The following CHCHD2 variants were observed in gnomAD, a reference collection of about 807,000 sequenced individuals.
CHCHD2 encodes coiled-coil-helix-coiled-coil-helix domain-containing protein 2.
A neutral mutation model predicts 17.5 loss-of-function variants in CHCHD2; 17 were observed. That is an observed-to-expected ratio of 0.97 (90% confidence interval 0.67 to 1.46). The LOEUF (loss-of-function observed/expected upper bound fraction) is 1.46. Ranked by LOEUF, CHCHD2 falls within the 40% of genes most tolerant of loss-of-function variation. The pLI is 0.00. For synonymous variants in CHCHD2, 63 were observed against 74.3 expected (o/e 0.85, Z 0.78); for missense variants, 175 against 199.9 (o/e 0.88, Z 0.75).
At position 56,106,230 on chromosome 7, in the gene CHCHD2, AC is replaced by A. The variant is rs1785380882; in HGVS notation, c.50+133del. 9.7e-6 allele frequency: 7 copies of A among 722,990 alleles called. No individual in the cohort carries two copies. In the South Asian group the frequency reaches 1.1e-4, roughly 12 times the overall value. The allele number at this position is 722,990 out of a possible 1,614,324, so 44.8% of individuals were successfully genotyped here. ...CTAACATAGGCTTTACGTTCAATCT[AC>A]CCCCGCCTGGCAGAGGCGAGCCCAC... On this transcript the variant is annotated intron_variant, in intron 1 of 3. Transcript: ENST00000395422.
intron 1 of CHCHD2, among the ~76,000 whole-genome samples, chr7:56,105,879 A>G (rs1457648913): frequency 6.6e-6 from 1 of 152,226 alleles, no homozygotes; most frequent in African/African-American, 2.4e-5. Context: ...TTACAAAACA[A>G]GACTGGCCAA....
At chr7:56,106,315 T>C (rs1386275862) in intron 1 of CHCHD2, 49 bp downstream of exon 1, 1 of 1,592,168 alleles carries the variant, frequency 6.3e-7, no homozygotes, top group African/African-American at 1.3e-5. Context: ...ATTGCCCCAG[T>C]AGAGTCCGGA....
chr7:56,104,912 AT>A lies in CHCHD2; in HGVS notation c.51-438del, dbSNP rs752149986. ...GGTGTGAACCACCACGCACGGCCTA[AT>A]TTTTTTTTTTTTTTTGAGACAGGGC... On this transcript the variant is annotated intron_variant, in intron 1 of 3. Coordinates refer to ENST00000395422, the MANE Select transcript of CHCHD2 (RefSeq NM_016139.4). Among the ~76,000 whole-genome samples, 743 of 115,682 alleles carry A rather than the reference AT, an allele frequency of 6.4e-3. 1 individual carries two copies. Among genetic ancestry groups the A allele is most frequent in the Middle Eastern group, 0.028 (4 of 144 alleles). The allele number at this position is 115,682 out of a possible 152,430, so 75.9% of individuals were successfully genotyped here. A position where few individuals can be genotyped will look rare whatever the true frequency, so the allele number is the denominator to read the frequency against.
chr7:56,103,289 G>A (rs1785321017), intron 2 of CHCHD2, among the ~76,000 whole-genome samples: 1 of 152,170 alleles, frequency 6.6e-6, no homozygotes, highest in Admixed American at 6.6e-5. Context: ...AGACCAGCCT[G>A]GCCAATATGG....
chr7:56,104,308 C>A lies in CHCHD2; in HGVS notation c.218G>T (p.Gly73Val). 1 of 1,613,828 alleles carries A rather than the reference C, an allele frequency of 6.2e-7. No individual in the cohort carries two copies. Among genetic ancestry groups the A allele is most frequent in the Non-Finnish European group, 8.5e-7 (1 of 1,179,764 alleles). Residue 73 changes from glycine (G) to valine (V), a missense_variant, in exon 2 of 4, where the codon GGG becomes GTG. Transcript: ENST00000395422. ...AGTAATGGCGTGACCCAATGTGTGCCCCACAGCAGAGCCCACAGCCACGCC... is the reference window on the plus strand; with the variant it reads ...AGTAATGGCGTGACCCAATGTGTGCACCACAGCAGAGCCCACAGCCACGCC... ...AAGVAVGSAVGHTLGHAITGG... is the reference protein window; with the variant it reads ...AAGVAVGSAVVHTLGHAITGG...
At chr7:56,104,194 C>T (rs1372477233) in intron 2 of CHCHD2, 32 bp downstream of exon 2, 2 of 1,606,700 alleles carry the variant, frequency 1.2e-6, no homozygotes, top group South Asian at 2.2e-5. Context: ...TAAAATCCAC[C>T]CATGGAAGGG....
chr7:56,105,586 G>A (rs1052173894), intron 1 of CHCHD2, among the ~76,000 whole-genome samples: 1 of 152,148 alleles, frequency 6.6e-6, no homozygotes, highest in Admixed American at 6.6e-5. Context: ...GACCAGCCAG[G>A]GCCACATAAT....
chr7:56,101,903 T>A (rs770440622), intron 3 of CHCHD2, 42 bp from the exon 4 acceptor site: 1 of 1,598,028 alleles, frequency 6.3e-7, no homozygotes, highest in African/African-American at 1.3e-5. Context: ...GCTAGCTTCG[T>A]ATACTCAATA....
intron 1 of CHCHD2, among the ~76,000 whole-genome samples, chr7:56,106,057 T>C (rs1785377107): frequency 6.6e-6 from 1 of 152,196 alleles, no homozygotes; most frequent in Non-Finnish European, 1.5e-5. Context: ...CTCTGACCAT[T>C]TCCGGATTAT....
rs760214798 is a variant in CHCHD2 at position 56,104,514 on chromosome 7, C to G, written c.51-39G>C. ...GAAAAAAACATCAAGTTCCCAATTC[C>G]AACCAGTTTTGGAAATTGTCAACTT... On this transcript the variant is annotated intron_variant, in intron 1 of 3. Transcript: ENST00000395422. 13 of 1,495,546 alleles carry G rather than the reference C, an allele frequency of 8.7e-6. No homozygotes were observed. In the East Asian group the frequency reaches 3.1e-4, roughly 36 times the overall value. 92.6% of individuals were successfully genotyped at this position (1,495,546 alleles called of 1,614,324 possible).
At chr7:56,104,095 A>G (rs1424402627) in intron 2 of CHCHD2, 131 bp downstream of exon 2, 1 of 1,249,844 alleles carries the variant, frequency 8.0e-7, no homozygotes, top group African/African-American at 1.5e-5. Flanking sequence ...TGTGGCTTTA[A>G]AACCCATTGT....
In CHCHD2 at chr7:56,102,956, T is replaced by C. The variant is rs1174242286; in HGVS notation, c.356A>G (p.Lys119Arg). 20 of 1,614,118 alleles carry C rather than the reference T, an allele frequency of 1.2e-5. No homozygotes were observed. Among genetic ancestry groups the C allele is most frequent in the Non-Finnish European group, 1.7e-5 (20 of 1,179,984 alleles). ...QQQQPCLYEI[K>R]QFLECAQNQG... ...GTTCTGGGCACACTCCAGAAACTGTTTGATCTCATAGAGGCAAGGCTGCTG... is the reference window on the plus strand; with the variant it reads ...GTTCTGGGCACACTCCAGAAACTGTCTGATCTCATAGAGGCAAGGCTGCTG... The change falls in exon 3 of 4, where the codon AAA becomes AGA. Residue 119 changes from lysine (K) to arginine (R), a missense_variant. Physicochemically the swap from Lys to Arg is conservative, Grantham distance 26 (BLOSUM62 2). Transcript: ENST00000395422.
In CHCHD2 at chr7:56,105,515, C is replaced by T. The variant is rs142050806; in HGVS notation, c.50+849G>A. Among the ~76,000 whole-genome samples the T allele has an allele frequency of 4.1e-4, 62 of 152,236 alleles. No homozygotes were observed. In the East Asian group the frequency reaches 0.011, roughly 28 times the overall value. On this transcript the variant is annotated intron_variant, in intron 1 of 3. Transcript: ENST00000395422. ...ATAGGCTGCGGAGTGGTGGCTCTTG[C>T]CTGTAATCCCAGTGATTAGGGAAGT...
chr7:56,105,701 G>C (rs1785370250), intron 1 of CHCHD2, among the ~76,000 whole-genome samples: 1 of 152,184 alleles, frequency 6.6e-6, no homozygotes, highest in South Asian at 2.1e-4. Flanking sequence ...TGACGTGGTA[G>C]AATAGCTTGA....
Position 56,102,988 on chromosome 7 carries a change from T to C in CHCHD2, c.324A>G (p.Ala108=). 1 of 1,614,224 alleles carries C rather than the reference T, an allele frequency of 6.2e-7. No homozygotes were observed. Among genetic ancestry groups the C allele is most frequent in the Admixed American group, 1.7e-5 (1 of 60,018 alleles). Residue 108 remains alanine, a synonymous_variant, in exon 3 of 4, where the codon GCA becomes GCG. Transcript: ENST00000395422. ...TYQEPQGTQP[A]QQQQPCLYEI... is the part of the protein sequence containing the mutation. Reference sequence around the variant, plus strand: ...CATAGAGGCAAGGCTGCTGCTGCTGTGCTGGCTGGGTTCCCTGAGGCTCCT... The same window carrying C: ...CATAGAGGCAAGGCTGCTGCTGCTGCGCTGGCTGGGTTCCCTGAGGCTCCT...
rs752552804 is a variant in CHCHD2, at chr7:56,104,355, G to A, written c.171C>T (p.Ala57=). 6.2e-7 allele frequency: 1 copy of A among 1,613,250 alleles called. No individual in the cohort carries two copies. The highest frequency in any genetic ancestry group is 2.2e-5 in the East Asian group (1 of 44,872). Residue 57 remains alanine (A), a synonymous_variant, in exon 2 of 4, where the codon GCC becomes GCT. Transcript: ENST00000395422. ...AAAPRQPGLM[A]QMATTAAGVA... ...CGCCAGCTGCAGTGGTTGCCATCTG[G>A]GCCATCAGACCTGGCTGCCGGGGCG...
rs769569365 is a variant in CHCHD2, at chr7:56,104,308, CCCA to C, written c.215_217del (p.Val72del). The C allele has an allele frequency of 2.5e-6, 4 of 1,613,828 alleles. No individual in the cohort carries two copies. Among genetic ancestry groups the C allele is most frequent in the Non-Finnish European group, 3.4e-6 (4 of 1,179,764 alleles). ...AGTAATGGCGTGACCCAATGTGTGCCCCACAGCAGAGCCCACAGCCACGCCAGC... is the reference window on the plus strand; with the variant it reads ...AGTAATGGCGTGACCCAATGTGTGCCCAGCAGAGCCCACAGCCACGCCAGC... On this transcript the variant is annotated inframe_deletion, in exon 2 of 4. Transcript: ENST00000395422.
At chr7:56,103,284 A>C (rs1435589945) in intron 2 of CHCHD2, among the ~76,000 whole-genome samples, 1 of 152,198 alleles carries the variant, frequency 6.6e-6, no homozygotes, top group Non-Finnish European at 1.5e-5. Flanking sequence ...GTTTGAGACC[A>C]GCCTGGCCAA....
chr7:56,102,202 GAGGTAC>G (rs1215739446), intron 3 of CHCHD2, among the ~76,000 whole-genome samples: 1 of 152,108 alleles, frequency 6.6e-6, no homozygotes, highest in African/African-American at 2.4e-5. Context: ...TTCACTCAAT[GAGGTAC>G]AGATACCAGG....
Sources: allele counts gnomAD v4.1 joint callset (sites outside exome capture counted in the v4.1 genomes callset), GRCh38; gene constraint gnomAD v4.1.1; transcripts MANE v1.5; gene names NCBI Gene and HGNC (gene_info 2026-07-23, HGNC 2026-07-21).